Variants in TASOR2 observed in about 807,000 individuals in gnomAD.
The protein encoded by TASOR2 is transcription activation suppressor family member 2.
A neutral mutation model predicts 199.5 loss-of-function variants in TASOR2; 84 were observed. The ratio of observed to expected loss-of-function variants is 0.42; its 90% CI spans 0.35 to 0.50. The LOEUF (loss-of-function observed/expected upper bound fraction) is 0.50. Ranked by LOEUF, TASOR2 falls within the 20% of genes least tolerant of loss-of-function variation. The pLI is 0.02. For missense variants in TASOR2, 2,796 were observed against 2,835.9 expected, an observed-to-expected ratio of 0.99 and a Z score of 0.32; for synonymous variants, 1,103 against 1,046.6, an observed-to-expected ratio of 1.05 and a Z score of -1.04.
intron 18 of TASOR2, among the ~76,000 whole-genome samples, chr10:5,759,962 G>C (rs944384988): frequency 6.6e-6 from 1 of 152,208 alleles, no homozygotes; most frequent in Non-Finnish European, 1.5e-5. Flanking sequence ...TTAAGGTTCT[G>C]ATGTACCACA....
At position 5,740,043 on chromosome 10, in the gene TASOR2, C is replaced by T; in HGVS notation, c.1873C>T (p.Gln625Ter). The stretch of plus-strand genomic sequence containing the variant: ...TGAAGAAAGCTTGGTTCCTTGTAGT[C>T]AGGCCCCTGCTAAAGCCCAGTCAGC... The change falls in exon 13 of 21, where the codon CAG becomes TAG. Residue 625 changes from glutamine to a stop codon, truncating the protein, a stop_gained. Coordinates refer to ENST00000328090, the Ensembl canonical transcript of TASOR2. LOFTEE classifies it high-confidence loss of function. The surrounding 1 kb of genome is among the most constrained non-coding windows in gnomAD (Gnocchi z 5.3). 1 of 1,614,040 alleles carries T rather than the reference C, an allele frequency of 6.2e-7. No homozygotes were observed. Among genetic ancestry groups the T allele is most frequent in the Non-Finnish European group, 8.5e-7 (1 of 1,180,040 alleles).
exon 21 of TASOR2, chr10:5,763,252 TTTAAA>T (rs1840160800): frequency 2.3e-6 from 1 of 433,620 alleles, no homozygotes; most frequent in African/African-American, 2.0e-5. Context: ...TAGATATTGT[TTTAAA>T]TTATTTTCAT....
chr10:5,761,407 T>C (rs1839812007), exon 19 of TASOR2: 3 of 1,613,776 alleles, frequency 1.9e-6, no homozygotes, highest in African/African-American at 1.3e-5. Context: ...AAGCAGAAAT[T>C]CTGAAATGTT....
rs1177564696 is a variant in TASOR2, at chr10:5,762,815, T to C, written c.7289+169T>C. The stretch of plus-strand genomic sequence containing the variant: ...AATTGCTATTTGGCATAAATAGGAA[T>C]TCCTAAATTATCACTAAATGAAGTA... On this transcript the variant is annotated intron_variant, in intron 20 of 20. Coordinates refer to ENST00000328090, the Ensembl canonical transcript of TASOR2. 3.9e-5 allele frequency: 25 copies of C among 634,820 alleles called. No homozygotes were observed. The South Asian group carries it at 4.9e-4, about 12-fold the overall frequency. The allele number at this position is 634,820 out of a possible 1,614,324, so 39.3% of individuals were successfully genotyped here.
rs368209207 is a variant in TASOR2 at position 5,740,502 on chromosome 10, G to A, written c.2327+5G>A. On this transcript the variant is annotated splice_donor_5th_base_variant and intron_variant, in intron 13 of 20. Coordinates refer to ENST00000328090, the Ensembl canonical transcript of TASOR2. The surrounding 1 kb of genome is among the most constrained non-coding windows in gnomAD (Gnocchi z 5.3). ...TGTAGTAAGAGCATTACATGGGTGAGTATGAGTGAAACTTAGTGAAAATGG... is the reference window on the plus strand; with the variant it reads ...TGTAGTAAGAGCATTACATGGGTGAATATGAGTGAAACTTAGTGAAAATGG... 2.5e-6 allele frequency: 4 copies of A among 1,603,552 alleles called. No individual in the cohort carries two copies. The highest frequency in any genetic ancestry group is 8.5e-7 in the Non-Finnish European group (1 of 1,176,086).
rs531836667 is a variant in TASOR2, at chr10:5,753,016, T to C, written c.6606+2989T>C. ...GTTTTCTAAAAGATGTTTTTAAAGG[T>C]TTTTTTTTCAAGTGAAGCAGGCGGA... On this transcript the variant is annotated intron_variant, in intron 15 of 20. Coordinates refer to ENST00000328090, the Ensembl canonical transcript of TASOR2. Among the ~76,000 whole-genome samples, 42 of 151,158 alleles carry C rather than the reference T, an allele frequency of 2.8e-4. No homozygotes were observed. In the South Asian group the frequency reaches 8.6e-3, roughly 31 times the overall value.
intron 1 of TASOR2, among the ~76,000 whole-genome samples, chr10:5,703,917 T>A (rs557437004): frequency 6.6e-6 from 1 of 152,224 alleles, no homozygotes; most frequent in African/African-American, 2.4e-5. Context: ...GCTAGACTTA[T>A]AATTTGAGAA....
In TASOR2 at chr10:5,722,457, A is replaced by G. The variant is rs148818336; in HGVS notation, c.147-1220A>G. The stretch of plus-strand genomic sequence containing the variant: ...GGCGACAGAGTGAAACCTTATCTCA[A>G]AAAAAGAAAAGAAAAAATTTCCTGT... On this transcript the variant is annotated intron_variant, in intron 6 of 20. Transcript: ENST00000328090. The surrounding 1 kb of genome is among the most constrained non-coding windows in gnomAD (Gnocchi z 4.0). Among the ~76,000 whole-genome samples the G allele has an allele frequency of 1.5e-3, 225 of 151,794 alleles. No homozygotes were observed. Among genetic ancestry groups the G allele is most frequent in the African/African-American group, 5.2e-3 (215 of 41,352 alleles).
chr10:5,735,191 A>G, intron 11 of TASOR2, 113 bp from the exon 13 acceptor site: 2 of 1,247,530 alleles, frequency 1.6e-6, no homozygotes, highest in Admixed American at 2.4e-5. Flanking sequence ...TTTATTCCCC[A>G]TTACTAAAGT....
At position 5,718,467 on chromosome 10, in the gene TASOR2, G is replaced by T. The variant is rs144436376; in HGVS notation, c.-100+717G>T. On this transcript the variant is annotated intron_variant, in intron 3 of 20. Coordinates refer to ENST00000328090, the Ensembl canonical transcript of TASOR2. ...TGTTCTCAAAAAAGCGGAGGGAGAGGCCAGGCTCTGTGGCTCATGCCTGTA... is the reference window on the plus strand; with the variant it reads ...TGTTCTCAAAAAAGCGGAGGGAGAGTCCAGGCTCTGTGGCTCATGCCTGTA... 9.3e-4 allele frequency among the ~76,000 whole-genome samples: 141 copies of T among 151,740 alleles called. 1 individual carries two copies. Among genetic ancestry groups the T allele is most frequent in the African/African-American group, 3.2e-3 (134 of 41,412 alleles).
At chr10:5,695,357 G>A (rs1012376301) in intron 1 of TASOR2, among the ~76,000 whole-genome samples, 2 of 152,162 alleles carry the variant, frequency 1.3e-5, no homozygotes, top group African/African-American at 4.8e-5. Context: ...TATCATTGAA[G>A]ATCTTTAGAT....
At chr10:5,726,614 T>A (rs1339629312) in intron 8 of TASOR2, among the ~76,000 whole-genome samples, 1 of 152,210 alleles carries the variant, frequency 6.6e-6, no homozygotes, top group Non-Finnish European at 1.5e-5. Flanking sequence ...AAAAAATAAG[T>A]CTTTTCTGAT....
chr10:5,706,672 C>G lies in TASOR2; in HGVS notation c.-287-6151C>G, dbSNP rs555981328. On this transcript the variant is annotated intron_variant, in intron 1 of 20. Transcript: ENST00000328090. This position sits in a 1 kb window ranked among gnomAD's most constrained non-coding sequence, Gnocchi z 4.8. The stretch of plus-strand genomic sequence containing the variant: ...GGTATAAGGAAAGAACTTGACTACA[C>G]AGTATGGCTCAGCAATGATTAATAC... 6.6e-6 allele frequency among the ~76,000 whole-genome samples: 1 copy of G among 152,260 alleles called. No individual in the cohort carries two copies. Among genetic ancestry groups the G allele is most frequent in the African/African-American group, 2.4e-5 (1 of 41,542 alleles).
At position 5,737,852 on chromosome 10, in the gene TASOR2, G is replaced by A. The variant is rs1188408891; in HGVS notation, c.1448-1766G>A. On this transcript the variant is annotated intron_variant, in intron 12 of 20. Coordinates refer to ENST00000328090, the Ensembl canonical transcript of TASOR2. The surrounding 1 kb of genome is among the most constrained non-coding windows in gnomAD (Gnocchi z 4.9). ...TATATAATTGCATACTGGCAGAAAA[G>A]TGAGCCCAGAAAATTTAAAGTTTCA... Among the ~76,000 whole-genome samples the A allele has an allele frequency of 6.6e-6, 1 of 152,210 alleles. No individual in the cohort carries two copies. The highest frequency in any genetic ancestry group is 1.5e-5 in the Non-Finnish European group (1 of 68,038).
At chr10:5,731,304 G>A in intron 11 of TASOR2, 101 bp downstream of exon 12, 1 of 1,108,520 alleles carries the variant, frequency 9.0e-7, no homozygotes, top group Non-Finnish European at 1.3e-6. Flanking sequence ...CCAAGTGGGT[G>A]GATCACCTAA....
chr10:5,741,465 TC>T (rs1836414085), intron 13 of TASOR2, among the ~76,000 whole-genome samples: 1 of 152,232 alleles, frequency 6.6e-6, no homozygotes, highest in Non-Finnish European at 1.5e-5. Context: ...CCTTAGAACT[TC>T]CTGTTTAGCT....
In TASOR2 at chr10:5,752,432, C is replaced by T. The variant is rs1290345728; in HGVS notation, c.6606+2405C>T. On this transcript the variant is annotated intron_variant, in intron 15 of 20. Coordinates refer to ENST00000328090, the Ensembl canonical transcript of TASOR2. The surrounding 1 kb of genome is among the most constrained non-coding windows in gnomAD (Gnocchi z 4.4). ...CTGGACGTGCCGTGTGTCGGTTCCACACATGAGGGGCCTGCAGGCCACGTG... is the reference window on the plus strand; with the variant it reads ...CTGGACGTGCCGTGTGTCGGTTCCATACATGAGGGGCCTGCAGGCCACGTG... Among the ~76,000 whole-genome samples the T allele has an allele frequency of 1.3e-5, 2 of 152,014 alleles. No homozygotes were observed. The highest frequency in any genetic ancestry group is 3.9e-4 in the East Asian group (2 of 5,170).
At chr10:5,726,891 A>G in exon 9 of TASOR2, 1 of 1,613,804 alleles carries the variant, frequency 6.2e-7, no homozygotes, top group Non-Finnish European at 8.5e-7. Context: ...TAAGGCAATC[A>G]TCAAATGCTT....
At chr10:5,707,857 G>A (rs1392152942) in intron 1 of TASOR2, among the ~76,000 whole-genome samples, 1 of 151,852 alleles carries the variant, frequency 6.6e-6, no homozygotes, top group African/African-American at 2.4e-5. Flanking sequence ...ATGATTGTTG[G>A]GAAGTCAATC....
Sources: allele counts gnomAD v4.1 joint callset (sites outside exome capture counted in the v4.1 genomes callset), GRCh38; gene constraint gnomAD v4.1.1; non-coding constraint Gnocchi (gnomAD v3.1); transcripts MANE v1.5; gene names NCBI Gene and HGNC (gene_info 2026-07-23, HGNC 2026-07-21).